The following SIN3A variants were observed in gnomAD, a reference collection of about 807,000 sequenced individuals.
The protein encoded by SIN3A is SIN3 transcription regulator family member A.
A neutral mutation model predicts 146.1 loss-of-function variants in SIN3A; 14 were observed. That is an observed-to-expected ratio of 0.10 (90% CI 0.06 to 0.15). The LOEUF (loss-of-function observed/expected upper bound fraction) is 0.15. Among genes scored for constraint, SIN3A ranks in the 10% least tolerant of loss-of-function variants. The pLI, the probability that SIN3A is intolerant of heterozygous loss-of-function variation, is 1.00. For synonymous variants in SIN3A, 572 were observed against 572.0 expected (o/e 1.00, Z 0.00); for missense variants, 1,028 against 1,576.0 (o/e 0.65, Z 5.89).
rs906312554 is a variant in SIN3A at position 75,416,891 on chromosome 15, T to C, written c.367-2580A>G. Among the ~76,000 whole-genome samples, 5 of 152,238 alleles carry C rather than the reference T, an allele frequency of 3.3e-5. No homozygotes were observed. The East Asian group carries it at 9.6e-4, about 29-fold the overall frequency. ...AGACTGTGGATCTTCAGATAAGTCCTGCCATTTTCATTTCACTTCCTGAAA... is the reference window on the plus strand; with the variant it reads ...AGACTGTGGATCTTCAGATAAGTCCCGCCATTTTCATTTCACTTCCTGAAA... On this transcript the variant is annotated intron_variant, in intron 3 of 20. Transcript: ENST00000394947.
At chr15:75,379,620 C>G (rs1037459066) in intron 19 of SIN3A, among the ~76,000 whole-genome samples, 2 of 152,186 alleles carry the variant, frequency 1.3e-5, no homozygotes, top group Non-Finnish European at 2.9e-5. Flanking sequence ...ATGGAGAACC[C>G]GGCAGGGCCC....
chr15:75,449,843 C>T (rs569053765), intron 1 of SIN3A, among the ~76,000 whole-genome samples: 5 of 152,342 alleles, frequency 3.3e-5, no homozygotes, highest in African/African-American at 1.2e-4. Context: ...TGCAATGGCA[C>T]CATCTCGGCT....
intron 1 of SIN3A, among the ~76,000 whole-genome samples, chr15:75,438,074 A>G (rs969342697): frequency 2.0e-5 from 3 of 152,204 alleles, no homozygotes; most frequent in African/African-American, 7.2e-5. Flanking sequence ...CATGTGTTAT[A>G]ATAAAACTGG....
Position 75,384,246 on chromosome 15 carries a change from T to C in SIN3A, c.3195+18A>G. On this transcript the variant is annotated intron_variant, in intron 17 of 20. Coordinates refer to ENST00000394947, the MANE Select transcript of SIN3A (RefSeq NM_001145358.2). ...CATTGTCACCAGCAAGGTCTTCGAC[T>C]ACCTGACCAACTCTCACCTTAAAGC... 1 of 1,586,892 alleles carries C rather than the reference T, an allele frequency of 6.3e-7. No homozygotes were observed. The highest frequency in any genetic ancestry group is 8.6e-7 in the Non-Finnish European group (1 of 1,164,838).
In SIN3A at chr15:75,370,890, T is replaced by C. The variant is rs1383929133; in HGVS notation, c.*1089A>G. 1 of 151,922 alleles carries C rather than the reference T, an allele frequency of 6.6e-6. No individual in the cohort carries two copies. Among genetic ancestry groups the C allele is most frequent in the Non-Finnish European group, 1.5e-5 (1 of 67,988 alleles). The allele number at this position is 151,922 out of a possible 1,614,324, so 9.4% of individuals were successfully genotyped here. ...TGAAGTCAAAATCCCTGCTTCACAG[T>C]ATTTTCTGGTGAGGACAAGGGACGT... On this transcript the variant is annotated 3_prime_UTR_variant, in exon 21 of 21. Transcript: ENST00000394947.
In SIN3A at chr15:75,451,680, G is replaced by C. The variant is rs1047433454; in HGVS notation, c.-291C>G. On this transcript the variant is annotated 5_prime_UTR_variant, in exon 1 of 21. Transcript: ENST00000394947. ...CTCCGCCGCCTCTACCGCCGCGGCC[G>C]CTTCTCTGTTACCCGGGAAATCCCG... The C allele has an allele frequency of 6.6e-6, 1 of 152,140 alleles. No individual in the cohort carries two copies. Among genetic ancestry groups the C allele is most frequent in the Admixed American group, 6.6e-5 (1 of 15,208 alleles). 9.4% of individuals were successfully genotyped at this position (152,140 alleles called of 1,614,324 possible).
At chr15:75,438,701 G>C (rs1180229233) in intron 1 of SIN3A, among the ~76,000 whole-genome samples, 2 of 151,918 alleles carry the variant, frequency 1.3e-5, no homozygotes, top group African/African-American at 2.4e-5. Context: ...AAAAACAAAA[G>C]TCTATCCTGG....
chr15:75,399,384 C>T (rs572469852), intron 12 of SIN3A, among the ~76,000 whole-genome samples: 14 of 152,192 alleles, frequency 9.2e-5, no homozygotes, highest in African/African-American at 3.4e-4. Flanking sequence ...AAAAATTAGC[C>T]GGACGTGTTG....
intron 1 of SIN3A, among the ~76,000 whole-genome samples, chr15:75,434,601 A>G (rs1379418200): frequency 3.2e-4 from 47 of 144,770 alleles, no homozygotes; most frequent in Middle Eastern, 4.1e-3. Flanking sequence ...AGTGAGCCGA[A>G]ATCGCGCCAC....
intron 9 of SIN3A, among the ~76,000 whole-genome samples, chr15:75,402,633 T>C (rs2073432575): frequency 6.6e-6 from 1 of 152,108 alleles, no homozygotes. Flanking sequence ...TAAGGAGTTT[T>C]TTTGTTTTGT....
chr15:75,418,321 C>A (rs1415595293), intron 3 of SIN3A, among the ~76,000 whole-genome samples: 1 of 150,324 alleles, frequency 6.7e-6, no homozygotes, highest in Non-Finnish European at 1.5e-5. Flanking sequence ...TAAGCCACTG[C>A]GTCTGGCCTA....
At chr15:75,450,554 G>C (rs566735189) in intron 1 of SIN3A, among the ~76,000 whole-genome samples, 5 of 152,188 alleles carry the variant, frequency 3.3e-5, no homozygotes, top group Non-Finnish European at 7.3e-5. Flanking sequence ...TGGGCACTTC[G>C]CCCCAATAGT....
Position 75,371,015 on chromosome 15 carries a change from A to G in SIN3A, c.*964T>C, listed in dbSNP as rs1201508884. 6.6e-6 allele frequency: 1 copy of G among 152,610 alleles called. No homozygotes were observed. The highest frequency in any genetic ancestry group is 1.5e-5 in the Non-Finnish European group (1 of 68,038). 9.5% of individuals were successfully genotyped at this position (152,610 alleles called of 1,614,324 possible). A position where few individuals can be genotyped will look rare whatever the true frequency, so the allele number is the denominator to read the frequency against. On this transcript the variant is annotated 3_prime_UTR_variant, in exon 21 of 21. Transcript: ENST00000394947. ...CAAAGGGGAAGACAAGTTTTACACA[A>G]AAGTACTACAATGGTAACTCCCTTT...
Position 75,371,334 on chromosome 15 carries a change from G to C in SIN3A, c.*645C>G, listed in dbSNP as rs895713587. On this transcript the variant is annotated 3_prime_UTR_variant, in exon 21 of 21. Transcript: ENST00000394947. ...TAAAAAGGACAACTGATTTGAACTCGTTGAGGTTGAGAACCAGAGGAGAGA... is the reference window on the plus strand; with the variant it reads ...TAAAAAGGACAACTGATTTGAACTCCTTGAGGTTGAGAACCAGAGGAGAGA... 6.6e-6 allele frequency: 1 copy of C among 152,496 alleles called. No individual in the cohort carries two copies. The highest frequency in any genetic ancestry group is 2.4e-5 in the African/African-American group (1 of 41,420). 9.4% of individuals were successfully genotyped at this position (152,496 alleles called of 1,614,324 possible). A position where few individuals can be genotyped will look rare whatever the true frequency, so the allele number is the denominator to read the frequency against.
At chr15:75,373,772 A>G (rs1011701911) in intron 20 of SIN3A, among the ~76,000 whole-genome samples, 3 of 151,860 alleles carry the variant, frequency 2.0e-5, no homozygotes, top group Admixed American at 6.6e-5. Flanking sequence ...AAAAAAAGAA[A>G]GAAAAAAAGA....
At chr15:75,444,547 A>T (rs1322415005) in intron 1 of SIN3A, among the ~76,000 whole-genome samples, 5 of 145,860 alleles carry the variant, frequency 3.4e-5, no homozygotes, top group Non-Finnish European at 6.1e-5. Flanking sequence ...GTACTGCTTT[A>T]AAAAAAAAAA....
intron 17 of SIN3A, among the ~76,000 whole-genome samples, chr15:75,382,470 G>A (rs746105978): frequency 2.6e-5 from 4 of 152,166 alleles, no homozygotes; most frequent in African/African-American, 9.7e-5. Flanking sequence ...CCCATAGTGG[G>A]TTGGACGTCT....
At chr15:75,416,035 TG>T in intron 3 of SIN3A, 1 of 316,888 alleles carries the variant, frequency 3.2e-6, no homozygotes, top group Non-Finnish European at 6.1e-6. Context: ...TGTGCATTTT[TG>T]GTAACTGTGT....
chr15:75,415,874 AAG>A, intron 3 of SIN3A: 1 of 204,740 alleles, frequency 4.9e-6, no homozygotes, highest in Non-Finnish European at 9.9e-6. Context: ...AAAAAAAAAA[AAG>A]TCCCCTGCAA....
Sources: gnomAD v4.1 joint callset for allele counts (sites outside exome capture counted in the v4.1 genomes callset) on GRCh38, gnomAD v4.1.1 for gene constraint, MANE v1.5 for transcripts, NCBI Gene and HGNC (gene_info 2026-07-23, HGNC 2026-07-21) for gene names.